Variants in PDE1A observed in about 807,000 individuals in gnomAD.
PDE1A encodes phosphodiesterase 1A.
Under a neutral mutation model 61.7 loss-of-function variants are expected in PDE1A, and 35 were observed. That is an observed-to-expected ratio of 0.57 (90% CI 0.43 to 0.75). The LOEUF is 0.75. Ranked by LOEUF, PDE1A falls within the 30% of genes least tolerant of loss-of-function variation. The probability of loss-of-function intolerance (pLI) is 0.00; values close to 1 mark genes in which losing one functional copy is unlikely to be tolerated. For synonymous variants in PDE1A, 232 were observed against 213.2 expected (o/e 1.09, Z -0.77); for missense variants, 597 against 630.6 (o/e 0.95, Z 0.57).
the PDE1A span, among the ~76,000 whole-genome samples, chr2:182,703,632 A>G: frequency 1.3e-5 from 2 of 152,204 alleles, no homozygotes; most frequent in Non-Finnish European, 2.9e-5. Flanking sequence ...ATAGCCTGGG[A>G]TCTAATCAGT....
At chr2:182,372,777 GT>G (rs1181772726) in intron 1 of PDE1A, among the ~76,000 whole-genome samples, 1 of 152,226 alleles carries the variant, frequency 6.6e-6, no homozygotes, top group Non-Finnish European at 1.5e-5. Context: ...TTGCTCAGGA[GT>G]GAGGCAGACC....
At chr2:182,391,714 C>G (rs1334582978) in intron 1 of PDE1A, among the ~76,000 whole-genome samples, 1 of 152,100 alleles carries the variant, frequency 6.6e-6, no homozygotes, top group East Asian at 1.9e-4. Context: ...ACGCAACAGT[C>G]AAAGGCAAGG....
At position 182,386,214 on chromosome 2, in the gene PDE1A, G is replaced by A. The variant is rs554665883; in HGVS notation, c.53+40364C>T. Among the ~76,000 whole-genome samples, 45 of 152,188 alleles carry A rather than the reference G, an allele frequency of 3.0e-4. 1 individual carries two copies. The South Asian group carries it at 8.3e-3, about 28-fold the overall frequency. On this transcript the variant is annotated intron_variant, in intron 1 of 13. Coordinates refer to ENST00000351439, the Ensembl canonical transcript of PDE1A. ...TAGCTACAACCTCCACCTCCCAGCC[G>A]CCTGCCTTGGCCTCCCAAAGTGCCG...
intron 6 of PDE1A, among the ~76,000 whole-genome samples, chr2:182,225,595 T>C (rs574573457): frequency 1.6e-4 from 25 of 151,986 alleles, no homozygotes; most frequent in African/African-American, 5.3e-4. Context: ...CTCAGGAAAA[T>C]AAGTTATTTA....
chr2:182,393,382 C>CT (rs76669011), intron 1 of PDE1A, among the ~76,000 whole-genome samples: 69 of 147,506 alleles, frequency 4.7e-4, no homozygotes, highest in African/African-American at 5.0e-4. Flanking sequence ...CCCACAGAAC[C>CT]TTTTTTTTTT....
chr2:182,611,753 A>T, the PDE1A span, among the ~76,000 whole-genome samples: 1 of 148,372 alleles, frequency 6.7e-6, no homozygotes, highest in African/African-American at 2.6e-5. Flanking sequence ...AAGAAAAAAG[A>T]AAAAAAAAAT....
At chr2:182,620,278 G>C in the PDE1A span, among the ~76,000 whole-genome samples, 3 of 152,130 alleles carry the variant, frequency 2.0e-5, no homozygotes, top group East Asian at 3.8e-4. Flanking sequence ...TCAGTTATTT[G>C]ATTTGTAAAG....
chr2:182,270,310 T>C (rs1464145459), intron 1 of PDE1A, among the ~76,000 whole-genome samples: 3 of 152,128 alleles, frequency 2.0e-5, no homozygotes, highest in African/African-American at 4.8e-5. Flanking sequence ...AGTATTTTAA[T>C]TCAAATACAG....
chr2:182,602,255 G>A, the PDE1A span, among the ~76,000 whole-genome samples: 3 of 152,234 alleles, frequency 2.0e-5, no homozygotes, highest in African/African-American at 2.4e-5. Context: ...CACCTGGGGA[G>A]CTTCTGCCCC....
At chr2:182,143,799 G>A (rs1472435449), downstream of PDE1A, among the ~76,000 whole-genome samples, 1 of 152,186 alleles carries the variant, frequency 6.6e-6, no homozygotes, top group Non-Finnish European at 1.5e-5. Context: ...ACAGGCATGA[G>A]CCACCGCACC....
chr2:182,508,738 T>A (rs1267262999), intron 2 of PDE1A, among the ~76,000 whole-genome samples: 1 of 148,194 alleles, frequency 6.7e-6, no homozygotes, highest in Non-Finnish European at 1.5e-5. Flanking sequence ...CTTTTTTTTT[T>A]TATTTTTTTT....
At chr2:182,476,479 ACT>A (rs1687374093) in intron 2 of PDE1A, among the ~76,000 whole-genome samples, 2 of 151,914 alleles carry the variant, frequency 1.3e-5, no homozygotes, top group African/African-American at 4.8e-5. Context: ...ACAAAGCGAG[ACT>A]CTGTCTCAAA....
chr2:182,389,906 C>G (rs759879213), intron 1 of PDE1A, among the ~76,000 whole-genome samples: 2 of 152,138 alleles, frequency 1.3e-5, no homozygotes, highest in Non-Finnish European at 2.9e-5. Context: ...CCTTGAATAT[C>G]GGACTCCAAG....
the PDE1A span, among the ~76,000 whole-genome samples, chr2:182,685,771 G>C: frequency 6.6e-6 from 1 of 152,154 alleles, no homozygotes; most frequent in East Asian, 1.9e-4. Context: ...ACTGATCAAA[G>C]TGCTTTTGCT....
chr2:182,201,354 C>A, intron 10 of PDE1A, 85 bp downstream of exon 10: 1 of 1,502,788 alleles, frequency 6.7e-7, no homozygotes. Context: ...AAGTCACAAG[C>A]CCTGGATTCC....
chr2:182,488,757 G>A (rs1574780503), intron 2 of PDE1A, among the ~76,000 whole-genome samples: 1 of 152,210 alleles, frequency 6.6e-6, no homozygotes, highest in African/African-American at 2.4e-5. Flanking sequence ...GCCTATAAGT[G>A]TGTGATGAAA....
At chr2:182,685,429 TTTAA>T in the PDE1A span, among the ~76,000 whole-genome samples, 120 of 151,938 alleles carry the variant, frequency 7.9e-4, 3 homozygotes, top group South Asian at 0.025. Context: ...TTGACTATTC[TTTAA>T]TTATTTCAAT....
At chr2:182,572,868 CA>C in the PDE1A span, among the ~76,000 whole-genome samples, 1,394 of 53,032 alleles carry the variant, frequency 0.026, 6 homozygotes, top group Middle Eastern at 0.096. Flanking sequence ...GACTCTGTCT[CA>C]AAAAAAAAAA....
At chr2:182,286,430 C>T (rs933959775) in intron 1 of PDE1A, among the ~76,000 whole-genome samples, 1 of 152,106 alleles carries the variant, frequency 6.6e-6, no homozygotes, top group Non-Finnish European at 1.5e-5. Flanking sequence ...TATTTTACTG[C>T]ATCAATACCT....
Sources: gnomAD v4.1 joint callset for allele counts (sites outside exome capture counted in the v4.1 genomes callset) on GRCh38, gnomAD v4.1.1 for gene constraint, MANE v1.5 for transcripts, NCBI Gene and HGNC (gene_info 2026-07-23, HGNC 2026-07-21) for gene names.